EIF4H: variants seen among roughly 807,000 people sequenced by gnomAD.
EIF4H encodes Williams-Beuren syndrome chromosome region 1.
EIF4H carries 8 observed loss-of-function variants against 30.6 expected under a neutral mutation model. The observed-to-expected ratio is 0.26, with a 90% confidence interval of 0.15 to 0.47. The LOEUF (loss-of-function observed/expected upper bound fraction) is 0.47, where lower values mean the gene tolerates loss of function less well. Among genes scored for constraint, EIF4H ranks in the 20% least tolerant of loss-of-function variants. The pLI, the probability that EIF4H is intolerant of heterozygous loss-of-function variation, is 0.99. For synonymous variants in EIF4H, 106 were observed against 122.7 expected (o/e 0.86, Z 0.90); for missense variants, 188 against 339.5 (o/e 0.55, Z 3.51).
rs1554709621 is a variant in EIF4H, at chr7:74,189,752, G to A, written c.312+15G>A. On this transcript the variant is annotated intron_variant, in intron 3 of 6. Coordinates refer to ENST00000265753, the MANE Select transcript of EIF4H (RefSeq NM_022170.2). ...ACGATGGTGCAGTAAGTATCCTCGG[G>A]TTTTCTCTGTCATAGCAGTTGAGAT... is the stretch of plus-strand genomic sequence containing the variant. 1.2e-6 allele frequency: 2 copies of A among 1,614,184 alleles called. No individual in the cohort carries two copies. The highest frequency in any genetic ancestry group is 4.5e-5 in the East Asian group (2 of 44,890).
chr7:74,189,802 T>G lies in EIF4H; in HGVS notation c.313-20T>G. ...TTGTTTTCTTTGCCAATACTTACAC[T>G]ATTTTCCCTTTATCATTAGCTGTTG... On this transcript the variant is annotated intron_variant, in intron 3 of 6. Coordinates refer to ENST00000265753, the MANE Select transcript of EIF4H (RefSeq NM_022170.2). 1 of 1,614,160 alleles carries G rather than the reference T, an allele frequency of 6.2e-7. No homozygotes were observed. Among genetic ancestry groups the G allele is most frequent in the South Asian group, 1.1e-5 (1 of 91,068 alleles).
At chr7:74,189,969 C>A in intron 4 of EIF4H, 51 bp downstream of exon 4, 2 of 1,589,984 alleles carry the variant, frequency 1.3e-6, no homozygotes, top group Non-Finnish European at 1.7e-6. Context: ...AGTATGCCTA[C>A]CAATTCCAAC....
Position 74,174,428 on chromosome 7 carries a change from C to T in EIF4H, c.45C>T (p.Phe15=), listed in dbSNP as rs1357220873. The T allele has an allele frequency of 2.1e-6, 3 of 1,444,548 alleles. No individual in the cohort carries two copies. The highest frequency in any genetic ancestry group is 2.8e-6 in the Non-Finnish European group (3 of 1,084,098). The allele number at this position is 1,444,548 out of a possible 1,614,324, so 89.5% of individuals were successfully genotyped here. The part of the protein sequence containing the change: ...DTYDDRAYSS[F]GGGRGSRGSA... ...ACGACGATCGGGCCTACAGCAGCTT[C>T]GGCGGCGGCAGAGGGTGAGGCGGGC... The change falls in exon 1 of 7, where the codon TTC becomes TTT. Residue 15 remains phenylalanine (F), a synonymous_variant. Coordinates refer to ENST00000265753, the MANE Select transcript of EIF4H (RefSeq NM_022170.2).
chr7:74,175,725 G>T (rs1362637408), intron 1 of EIF4H, among the ~76,000 whole-genome samples: 5 of 143,748 alleles, frequency 3.5e-5, no homozygotes, highest in Admixed American at 2.8e-4. Context: ...AATAACTAGG[G>T]TTTTTTTTTT....
chr7:74,191,109 T>A, intron 5 of EIF4H: 1 of 521,782 alleles, frequency 1.9e-6, no homozygotes, highest in South Asian at 1.4e-5. Flanking sequence ...TGGTGCACGC[T>A]GTCTTGTGAG....
At chr7:74,187,473 C>T (rs1801111541) in intron 1 of EIF4H, 138 bp from the exon 2 acceptor site, 7 of 844,666 alleles carry the variant, frequency 8.3e-6, no homozygotes, top group Non-Finnish European at 1.2e-5. Flanking sequence ...TCCAGCCATT[C>T]TCTGTAACAG....
At chr7:74,194,657 T>C in intron 5 of EIF4H, 84 bp from the exon 6 acceptor site, 1 of 1,448,264 alleles carries the variant, frequency 6.9e-7, no homozygotes, top group Non-Finnish European at 9.1e-7. Context: ...AAAATGAAAC[T>C]CAAACAATTC....
At chr7:74,174,761 C>A (rs1247674893) in intron 1 of EIF4H, among the ~76,000 whole-genome samples, 1 of 152,246 alleles carries the variant, frequency 6.6e-6, no homozygotes, top group East Asian at 1.9e-4. Flanking sequence ...AGCCCCATCC[C>A]CCCTACGGTA....
In EIF4H at chr7:74,186,788, ATTTTTTT is replaced by A. The variant is rs564794579; in HGVS notation, c.60-777_60-771del. On this transcript the variant is annotated intron_variant, in intron 1 of 6. Transcript: ENST00000265753. ...GCCCATAATCAGGCAACAAGGAGAA[ATTTTTTT>A]TTTTTTTTTTTTTTTTTTTTTTTTT... 4.0e-4 allele frequency among the ~76,000 whole-genome samples: 28 copies of A among 70,120 alleles called. 9 individuals are homozygous for A. Among genetic ancestry groups the A allele is most frequent in the East Asian group, 1.3e-3 (3 of 2,224 alleles). 46.0% of individuals were successfully genotyped at this position (70,120 alleles called of 152,430 possible).
At chr7:74,181,500 C>T (rs139862481) in intron 1 of EIF4H, among the ~76,000 whole-genome samples, 3,951 of 152,156 alleles carry the variant, frequency 0.026, 172 homozygotes, top group African/African-American at 0.087. Flanking sequence ...GGCACTATCT[C>T]GGCTCACCAC....
At chr7:74,188,623 T>C (rs914922635) in intron 2 of EIF4H, among the ~76,000 whole-genome samples, 1 of 152,132 alleles carries the variant, frequency 6.6e-6, no homozygotes, top group African/African-American at 2.4e-5. Context: ...TGAAAACAAA[T>C]ATATCAGTTA....
intron 1 of EIF4H, among the ~76,000 whole-genome samples, chr7:74,184,330 G>A (rs1337872798): frequency 1.3e-5 from 2 of 152,096 alleles, no homozygotes; most frequent in African/African-American, 4.8e-5. Flanking sequence ...GTAAGTTCGA[G>A]CACAATTAGC....
intron 5 of EIF4H, among the ~76,000 whole-genome samples, chr7:74,194,129 G>C (rs1042688649): frequency 4.6e-5 from 7 of 152,228 alleles, no homozygotes; most frequent in Non-Finnish European, 1.0e-4. Flanking sequence ...CGCCGGTGGG[G>C]GTGAGGCGCT....
In EIF4H at chr7:74,187,831, G is replaced by A. The variant is rs189603377; in HGVS notation, c.247+33G>A. 4.2e-3 allele frequency: 6,384 copies of A among 1,531,276 alleles called. 15 individuals carry two copies. Among genetic ancestry groups the A allele is most frequent in the Non-Finnish European group, 5.3e-3 (5,943 of 1,130,120 alleles). The allele number at this position is 1,531,276 out of a possible 1,614,324, so 94.9% of individuals were successfully genotyped here. On this transcript the variant is annotated intron_variant, in intron 2 of 6. Transcript: ENST00000265753. ...TGGGGGATTCTTATTGTATATTACTGTAAAGTGTAGGGGAGGATGGGAAGG... is the reference window on the plus strand; with the variant it reads ...TGGGGGATTCTTATTGTATATTACTATAAAGTGTAGGGGAGGATGGGAAGG...
intron 1 of EIF4H, among the ~76,000 whole-genome samples, chr7:74,177,077 T>A (rs1800858177): frequency 6.6e-6 from 1 of 152,172 alleles, no homozygotes; most frequent in Non-Finnish European, 1.5e-5. Flanking sequence ...CTGGCAAAAC[T>A]CCAAATTTAT....
At chr7:74,192,663 T>G (rs556225581) in intron 5 of EIF4H, among the ~76,000 whole-genome samples, 2 of 145,342 alleles carry the variant, frequency 1.4e-5, no homozygotes, top group Non-Finnish European at 1.5e-5. Context: ...CATTGCTTTA[T>G]GTGACTTTTT....
At chr7:74,186,427 G>C (rs1801081819) in intron 1 of EIF4H, among the ~76,000 whole-genome samples, 1 of 151,994 alleles carries the variant, frequency 6.6e-6, no homozygotes, top group Admixed American at 6.6e-5. Flanking sequence ...TGGTCAGGCT[G>C]ATCTTGAACT....
At chr7:74,191,805 A>G (rs782253978) in intron 5 of EIF4H, among the ~76,000 whole-genome samples, 19 of 151,844 alleles carry the variant, frequency 1.3e-4, no homozygotes, top group Non-Finnish European at 2.1e-4. Flanking sequence ...TTTGAGACGG[A>G]GTCTTGCTCT....
At chr7:74,194,662 C>A in intron 5 of EIF4H, 79 bp from the exon 6 acceptor site, 1 of 1,448,314 alleles carries the variant, frequency 6.9e-7, no homozygotes. Context: ...GAAACTCAAA[C>A]AATTCCCAGA....
Sources: gnomAD v4.1 joint callset for allele counts (sites outside exome capture counted in the v4.1 genomes callset) on GRCh38, gnomAD v4.1.1 for gene constraint, MANE v1.5 for transcripts, NCBI Gene and HGNC (gene_info 2026-07-23, HGNC 2026-07-21) for gene names.